SAMD5: variants seen among roughly 807,000 people sequenced by gnomAD.
SAMD5 encodes the protein sterile alpha motif domain-containing protein 5.
In SAMD5, 13 loss-of-function variants were observed where a neutral mutation model predicts 11.3. That is an observed-to-expected ratio of 1.15 (90% CI 0.75 to 1.83). The LOEUF is 1.83. Ranked by LOEUF, SAMD5 falls within the 40% of genes most tolerant of loss-of-function variation. The pLI is 0.00. For missense variants in SAMD5, 255 were observed against 239.1 expected, an observed-to-expected ratio of 1.07 and a Z score of -0.44; for synonymous variants, 129 against 111.3, an observed-to-expected ratio of 1.16 and a Z score of -1.00.
At chr6:147,836,371 T>C in the SAMD5 span, among the ~76,000 whole-genome samples, 1 of 152,168 alleles carries the variant, frequency 6.6e-6, no homozygotes, top group Non-Finnish European at 1.5e-5. Flanking sequence ...TTAAATCCAT[T>C]ATAGATGCTC....
At chr6:147,853,875 C>T in the SAMD5 span, among the ~76,000 whole-genome samples, 2 of 152,098 alleles carry the variant, frequency 1.3e-5, no homozygotes, top group Non-Finnish European at 2.9e-5. Context: ...ACAAACAGTA[C>T]AGGTAATATC....
intron 1 of SAMD5, among the ~76,000 whole-genome samples, chr6:147,663,383 C>T (rs1790672537): frequency 6.6e-6 from 1 of 152,220 alleles, no homozygotes; most frequent in Admixed American, 6.5e-5. Context: ...GGCTTAACAC[C>T]TGGGTGATGA....
At chr6:147,745,929 A>G in the SAMD5 span, among the ~76,000 whole-genome samples, 2 of 151,816 alleles carry the variant, frequency 1.3e-5, no homozygotes, top group African/African-American at 2.4e-5. Flanking sequence ...TTTAATAGAG[A>G]CGGGGTTTCA....
intron 1 of SAMD5, among the ~76,000 whole-genome samples, chr6:147,555,515 C>G (rs1214033418): frequency 6.6e-6 from 1 of 152,290 alleles, no homozygotes; most frequent in East Asian, 1.9e-4. Context: ...TAGTTTCATA[C>G]TGCCTAAATA....
At chr6:147,520,380 A>T (rs1244505100) in intron 1 of SAMD5, among the ~76,000 whole-genome samples, 4 of 152,282 alleles carry the variant, frequency 2.6e-5, no homozygotes, top group Non-Finnish European at 4.4e-5. Flanking sequence ...CTGGCCTCCC[A>T]AAGTGCTGGG....
chr6:147,543,209 A>G (rs568278120), intron 1 of SAMD5, among the ~76,000 whole-genome samples: 4 of 152,220 alleles, frequency 2.6e-5, no homozygotes, highest in Non-Finnish European at 5.9e-5. Context: ...TTCTAACTGC[A>G]AAATTCTTTT....
Position 147,562,167 on chromosome 6 carries a change from A to G in SAMD5, c.460-2227A>G, listed in dbSNP as rs559585129. 9.8e-5 allele frequency among the ~76,000 whole-genome samples: 15 copies of G among 152,310 alleles called. 1 individual carries two copies. The highest frequency in any genetic ancestry group is 3.6e-4 in the African/African-American group (15 of 41,572). ...ATGGGTTTATAGGCAGGGTGTCTTT[A>G]CTTGCTAAATGATAATCTGTCCAAA... On this transcript the variant is annotated intron_variant, in intron 1 of 1. Transcript: ENST00000367474.
chr6:147,794,499 C>G, the SAMD5 span, among the ~76,000 whole-genome samples: 1 of 151,876 alleles, frequency 6.6e-6, no homozygotes, highest in African/African-American at 2.4e-5. Flanking sequence ...TAATTTCACC[C>G]TAGGATACAT....
chr6:147,526,128 A>G (rs536379613), intron 1 of SAMD5, among the ~76,000 whole-genome samples: 1 of 152,334 alleles, frequency 6.6e-6, no homozygotes, highest in East Asian at 1.9e-4. Flanking sequence ...TCAACTAAAA[A>G]GCATGGATAT....
the SAMD5 span, among the ~76,000 whole-genome samples, chr6:147,938,334 A>T: frequency 1.3e-5 from 2 of 152,238 alleles, no homozygotes; most frequent in Non-Finnish European, 2.9e-5. Flanking sequence ...TAATCAAACG[A>T]AAAAGATAAC....
At chr6:147,952,140 A>G in the SAMD5 span, among the ~76,000 whole-genome samples, 1 of 152,192 alleles carries the variant, frequency 6.6e-6, no homozygotes, top group Admixed American at 6.5e-5. Flanking sequence ...TAATCAGTCC[A>G]AAAAGATGAA....
chr6:147,736,209 G>T (rs1791801025), intron 1 of SAMD5, among the ~76,000 whole-genome samples: 1 of 152,182 alleles, frequency 6.6e-6, no homozygotes, highest in South Asian at 2.1e-4. Flanking sequence ...ATCTCATTCA[G>T]TGTTGTTGCA....
chr6:147,745,013 G>A, the SAMD5 span, among the ~76,000 whole-genome samples: 1 of 152,168 alleles, frequency 6.6e-6, no homozygotes, highest in Non-Finnish European at 1.5e-5. Context: ...TTATAAGATG[G>A]TAGAGAAGTA....
At chr6:147,870,455 T>A in the SAMD5 span, among the ~76,000 whole-genome samples, 20 of 128,422 alleles carry the variant, frequency 1.6e-4, no homozygotes, top group African/African-American at 3.4e-4. Context: ...TGTGAGTGTG[T>A]GTGTGTGTGT....
chr6:147,798,581 G>T, the SAMD5 span, among the ~76,000 whole-genome samples: 1 of 151,954 alleles, frequency 6.6e-6, no homozygotes, highest in Non-Finnish European at 1.5e-5. Context: ...ATGTCTATTA[G>T]GTCCGCTTGG....
the SAMD5 span, among the ~76,000 whole-genome samples, chr6:147,850,860 G>A: frequency 1.3e-5 from 2 of 151,926 alleles, no homozygotes; most frequent in South Asian, 2.1e-4. Context: ...TGGCAGTATC[G>A]CTGTGCTTGT....
At chr6:147,857,610 A>G in the SAMD5 span, among the ~76,000 whole-genome samples, 3 of 149,538 alleles carry the variant, frequency 2.0e-5, no homozygotes, top group Non-Finnish European at 2.9e-5. Flanking sequence ...AGGTAGGTTT[A>G]CTGTACTTTG....
chr6:147,720,470 A>T (rs976891194), intron 1 of SAMD5, among the ~76,000 whole-genome samples: 2 of 151,818 alleles, frequency 1.3e-5, no homozygotes, highest in Non-Finnish European at 1.5e-5. Flanking sequence ...CTCAAAAAAA[A>T]AAAAACCTTC....
chr6:147,582,312 A>G (rs1562326229), intron 1 of SAMD5, among the ~76,000 whole-genome samples: 1 of 144,840 alleles, frequency 6.9e-6, no homozygotes, highest in Non-Finnish European at 1.5e-5. Flanking sequence ...GGTTGCAATG[A>G]GCTGAGATCC....
Sources: gnomAD v4.1 joint callset for allele counts (sites outside exome capture counted in the v4.1 genomes callset) on GRCh38, gnomAD v4.1.1 for gene constraint, MANE v1.5 for transcripts, NCBI Gene and HGNC (gene_info 2026-07-23, HGNC 2026-07-21) for gene names.